The following DGKB variants were observed in gnomAD, a reference collection of about 807,000 sequenced individuals.
DGKB encodes the protein diacylglycerol kinase beta.
A neutral mutation model predicts 114.3 loss-of-function variants in DGKB; 67 were observed. The observed-to-expected ratio is 0.59, with a 90% CI of 0.48 to 0.72. The LOEUF is 0.72. Among genes scored for constraint, DGKB ranks in the 30% least tolerant of loss-of-function variants. DGKB has a pLI of 0.00. For synonymous variants in DGKB, 398 were observed against 323.1 expected (o/e 1.23, Z -2.49); for missense variants, 907 against 975.2 (o/e 0.93, Z 0.93).
intron 2 of DGKB, among the ~76,000 whole-genome samples, chr7:14,776,320 T>C (rs1838173338): frequency 6.6e-6 from 1 of 152,138 alleles, no homozygotes; most frequent in South Asian, 2.1e-4. Flanking sequence ...CAGCAGAAAT[T>C]TGTATAAGTA....
chr7:14,576,693 T>C (rs1225678937), intron 19 of DGKB, among the ~76,000 whole-genome samples: 1 of 152,150 alleles, frequency 6.6e-6, no homozygotes, highest in African/African-American at 2.4e-5. Flanking sequence ...ACTGGAACAA[T>C]GTAGGAACAG....
chr7:14,943,751 T>C (rs1785703084), intron 1 of DGKB, among the ~76,000 whole-genome samples: 2 of 151,872 alleles, frequency 1.3e-5, no homozygotes, highest in African/African-American at 4.8e-5. Flanking sequence ...AACACAGCTA[T>C]CATTAAAATT....
intron 23 of DGKB, among the ~76,000 whole-genome samples, chr7:14,199,889 G>A (rs1479265098): frequency 6.6e-6 from 1 of 151,988 alleles, no homozygotes; most frequent in Non-Finnish European, 1.5e-5. Flanking sequence ...TACAATGTCA[G>A]AAATTATGAA....
At chr7:14,494,228 T>G (rs992121833) in intron 20 of DGKB, among the ~76,000 whole-genome samples, 16 of 152,030 alleles carry the variant, frequency 1.1e-4, no homozygotes, top group African/African-American at 2.9e-4. Context: ...AGAGTATATT[T>G]TCTATGATAT....
Position 14,653,331 on chromosome 7 carries a change from A to G in DGKB, c.1134+19598T>C, listed in dbSNP as rs1563803358. Among the ~76,000 whole-genome samples the G allele has an allele frequency of 4.6e-5, 7 of 152,242 alleles. No homozygotes were observed. The South Asian group carries it at 1.5e-3, about 32-fold the overall frequency. On this transcript the variant is annotated intron_variant, in intron 13 of 25. Coordinates refer to ENST00000402815, the MANE Select transcript of DGKB (RefSeq NM_001350709.2). Reference sequence around the variant, plus strand: ...CATGGAATACTATGCAGCCATAAAAAATGATGAGTTCACGTCCTTTGTAGG... The same window carrying G: ...CATGGAATACTATGCAGCCATAAAAGATGATGAGTTCACGTCCTTTGTAGG...
intron 20 of DGKB, among the ~76,000 whole-genome samples, chr7:14,535,378 GAAA>G (rs111762380): frequency 0.41 from 51,398 of 124,120 alleles, 9,661 homozygotes; most frequent in Admixed American, 0.51. Flanking sequence ...CTTAAAAAAA[GAAA>G]AAAAAAAAAA....
intron 25 of DGKB, among the ~76,000 whole-genome samples, chr7:14,167,808 A>G (rs969197554): frequency 5.3e-5 from 8 of 152,212 alleles, no homozygotes; most frequent in Non-Finnish European, 8.8e-5. Flanking sequence ...AGAGTCAACT[A>G]CCTGCTAAAA....
At chr7:14,556,702 T>C (rs1795929106) in intron 20 of DGKB, among the ~76,000 whole-genome samples, 1 of 152,220 alleles carries the variant, frequency 6.6e-6, no homozygotes, top group African/African-American at 2.4e-5. Context: ...ATTGGGTCAA[T>C]AGATTTTTGT....
intron 20 of DGKB, among the ~76,000 whole-genome samples, chr7:14,502,560 G>C (rs1300759828): frequency 6.6e-6 from 1 of 151,982 alleles, no homozygotes; most frequent in Non-Finnish European, 1.5e-5. Context: ...TTATAATTCT[G>C]AAGTACTTTT....
upstream of DGKB, among the ~76,000 whole-genome samples, chr7:14,903,695 A>G (rs1483961400): frequency 6.6e-6 from 1 of 152,142 alleles, no homozygotes; most frequent in African/African-American, 2.4e-5. Context: ...AAATATTGGG[A>G]GAAACTCTAT....
At chr7:14,293,623 C>T (rs1339745128) in intron 23 of DGKB, among the ~76,000 whole-genome samples, 2 of 152,260 alleles carry the variant, frequency 1.3e-5, no homozygotes, top group South Asian at 2.1e-4. Flanking sequence ...TTTGCCCTTC[C>T]GGTAATTTTT....
intron 1 of DGKB, among the ~76,000 whole-genome samples, chr7:14,955,099 A>G (rs1786423929): frequency 6.6e-6 from 1 of 152,038 alleles, no homozygotes; most frequent in South Asian, 2.1e-4. Flanking sequence ...AAGTTTCTGG[A>G]ATAATGGTGA....
chr7:14,761,444 C>G (rs1397968427), intron 2 of DGKB, among the ~76,000 whole-genome samples: 1 of 152,170 alleles, frequency 6.6e-6, no homozygotes, highest in Non-Finnish European at 1.5e-5. Flanking sequence ...AAGTTAACTG[C>G]TTGTCCAAAT....
At chr7:14,378,883 A>T (rs955538265) in intron 21 of DGKB, among the ~76,000 whole-genome samples, 1 of 152,096 alleles carries the variant, frequency 6.6e-6, no homozygotes, top group African/African-American at 2.4e-5. Context: ...AAAACAATCT[A>T]TGTTTTTGCT....
intron 21 of DGKB, among the ~76,000 whole-genome samples, chr7:14,414,779 G>C (rs551087430): frequency 6.6e-6 from 1 of 152,044 alleles, no homozygotes; most frequent in South Asian, 2.1e-4. Context: ...AGGTTGACAC[G>C]GGTGTGAAAT....
intron 21 of DGKB, among the ~76,000 whole-genome samples, chr7:14,345,801 TAAC>T (rs1390034800): frequency 4.6e-5 from 7 of 151,682 alleles, no homozygotes; most frequent in South Asian, 2.1e-4. Flanking sequence ...AAGAAAGTAA[TAAC>T]AATATTATAT....
At chr7:14,931,494 G>A (rs966578299) in intron 1 of DGKB, among the ~76,000 whole-genome samples, 19 of 152,106 alleles carry the variant, frequency 1.2e-4, no homozygotes, top group African/African-American at 4.6e-4. Context: ...TTGTGTCCTT[G>A]TCTGGTTTTG....
intron 17 of DGKB, among the ~76,000 whole-genome samples, chr7:14,591,889 C>T (rs1163328599): frequency 6.6e-6 from 1 of 151,832 alleles, no homozygotes; most frequent in Admixed American, 6.6e-5. Context: ...ACAAAGCACA[C>T]CAGGAAAACC....
chr7:14,862,269 A>G (rs111423794), intron 1 of DGKB, among the ~76,000 whole-genome samples: 3 of 152,160 alleles, frequency 2.0e-5, no homozygotes, highest in African/African-American at 7.2e-5. Flanking sequence ...TCATCACCAG[A>G]CATAGTTACC....
Sources: allele counts gnomAD v4.1 joint callset (sites outside exome capture counted in the v4.1 genomes callset), GRCh38; gene constraint gnomAD v4.1.1; transcripts MANE v1.5; gene names NCBI Gene and HGNC (gene_info 2026-07-23, HGNC 2026-07-21).